UBA6: variants seen among roughly 807,000 people sequenced by gnomAD.
UBA6 encodes the protein ubiquitin like modifier activating enzyme 6.
UBA6 carries 87 observed loss-of-function variants against 148.3 expected under a neutral mutation model. The observed-to-expected ratio is 0.59, with a 90% confidence interval of 0.49 to 0.70. The LOEUF is 0.70. Ranked by LOEUF, UBA6 falls within the 30% of genes least tolerant of loss-of-function variation. The pLI is 0.00. For missense variants in UBA6, 1,186 were observed against 1,241.2 expected, an observed-to-expected ratio of 0.96 and a Z score of 0.67; for synonymous variants, 376 against 401.0, an observed-to-expected ratio of 0.94 and a Z score of 0.75.
chr4:67,661,926 T>A (rs1729868483), intron 13 of UBA6: 2 of 427,666 alleles, frequency 4.7e-6, no homozygotes, highest in Admixed American at 4.1e-5. Context: ...GTTAAAAAAA[T>A]AGCAGCAAAT....
chr4:67,693,896 T>G (rs1372453012), intron 2 of UBA6, among the ~76,000 whole-genome samples: 1 of 152,002 alleles, frequency 6.6e-6, no homozygotes, highest in Admixed American at 6.6e-5. Flanking sequence ...CTAGTCCCCA[T>G]AAGCAACAGA....
At chr4:67,689,561 A>G (rs924165347) in intron 2 of UBA6, among the ~76,000 whole-genome samples, 8 of 152,116 alleles carry the variant, frequency 5.3e-5, no homozygotes, top group African/African-American at 1.7e-4. Context: ...TGGCTGTCAG[A>G]ATTTTCCAGA....
chr4:67,699,637 G>C (rs779835361), intron 1 of UBA6, among the ~76,000 whole-genome samples: 18 of 151,966 alleles, frequency 1.2e-4, no homozygotes, highest in Non-Finnish European at 2.4e-4. Context: ...GTCTCTCTCT[G>C]TCACCCAGAC....
chr4:67,658,582 G>T (rs1449068192), intron 13 of UBA6, among the ~76,000 whole-genome samples: 1 of 152,038 alleles, frequency 6.6e-6, no homozygotes, highest in Non-Finnish European at 1.5e-5. Flanking sequence ...ATGACTAACA[G>T]GTACTAGGCT....
intron 7 of UBA6, among the ~76,000 whole-genome samples, chr4:67,673,382 C>T: frequency 6.8e-6 from 1 of 146,142 alleles, no homozygotes; most frequent in East Asian, 2.0e-4. Context: ...TGTCACTGCA[C>T]TCCAGCCTGG....
At position 67,700,361 on chromosome 4, in the gene UBA6, T is replaced by G. The variant is rs571956364; in HGVS notation, c.71+688A>C. Reference sequence around the variant, plus strand: ...ACAGTGGTGGATAGAATGTAACCACTTGCTTTATTAATTATGAGATGATTG... The same window carrying G: ...ACAGTGGTGGATAGAATGTAACCACGTGCTTTATTAATTATGAGATGATTG... On this transcript the variant is annotated intron_variant, in intron 1 of 32. Transcript: ENST00000322244. Among the ~76,000 whole-genome samples the G allele has an allele frequency of 1.1e-4, 17 of 152,298 alleles. No homozygotes were observed. In the South Asian group the frequency reaches 3.1e-3, roughly 28 times the overall value.
intron 13 of UBA6, chr4:67,661,842 GA>G: frequency 3.2e-6 from 1 of 309,074 alleles, no homozygotes; most frequent in Non-Finnish European, 5.7e-6. Flanking sequence ...ACTTATATAA[GA>G]AAGCTAACAT....
At position 67,662,194 on chromosome 4, in the gene UBA6, C is replaced by G; in HGVS notation, c.1099G>C (p.Glu367Gln). The change falls in exon 13 of 33, where the codon GAG (glutamate) becomes CAG (glutamine). Residue 367 changes from glutamate to glutamine, a missense_variant. Glu to Gln is a conservative substitution (Grantham distance 29). Transcript: ENST00000322244. ...LATSISETLE[E>Q]KPDVNADIVH... is the part of the protein sequence containing the mutation. ...CCATAAATTTCAATAGTCACCTTCTCTTCCAAGGTTTCACTTATAGATGTT... is the reference window on the plus strand; with the variant it reads ...CCATAAATTTCAATAGTCACCTTCTGTTCCAAGGTTTCACTTATAGATGTT... 6.2e-7 allele frequency: 1 copy of G among 1,613,568 alleles called. No individual in the cohort carries two copies. Among genetic ancestry groups the G allele is most frequent in the East Asian group, 2.2e-5 (1 of 44,768 alleles).
chr4:67,620,749 A>G (rs3860688), intron 32 of UBA6, among the ~76,000 whole-genome samples: 53,857 of 152,076 alleles, frequency 0.35, 9,838 homozygotes, highest in Middle Eastern at 0.5. Context: ...CTTACATGCC[A>G]TTACACTATT....
intron 13 of UBA6, among the ~76,000 whole-genome samples, chr4:67,649,544 A>T (rs1051752070): frequency 6.6e-6 from 1 of 152,208 alleles, no homozygotes; most frequent in Admixed American, 6.5e-5. Flanking sequence ...ATTTACAAAT[A>T]AACAGATTTT....
In UBA6 at chr4:67,663,912, G is replaced by T. The variant is rs1484907152; in HGVS notation, c.933C>A (p.Cys311Ter). ...CAGGGTTGCTAAAATCCACAATAAG[G>T]CACTTTGGATGTTTTAACTGCCTCT... Reference protein sequence around the residue: ...SLERQLKHPKCLIVDFSNPEA... With the variant: ...SLERQLKHPK Residue 311 changes from cysteine (C) to a stop codon, truncating the protein, a stop_gained, in exon 11 of 33, where the codon TGC becomes TGA. Coordinates refer to ENST00000322244, the MANE Select transcript of UBA6 (RefSeq NM_018227.6). LOFTEE classifies it high-confidence loss of function. 1.2e-6 allele frequency: 2 copies of T among 1,613,094 alleles called. No homozygotes were observed. Among genetic ancestry groups the T allele is most frequent in the African/African-American group, 2.7e-5 (2 of 74,834 alleles).
At chr4:67,650,800 A>C (rs1729537218) in intron 13 of UBA6, among the ~76,000 whole-genome samples, 1 of 152,186 alleles carries the variant, frequency 6.6e-6, no homozygotes, top group Non-Finnish European at 1.5e-5. Context: ...GAGAGGTATA[A>C]AACTGGTGGC....
chr4:67,653,992 G>A (rs888918004), intron 13 of UBA6, among the ~76,000 whole-genome samples: 1 of 152,160 alleles, frequency 6.6e-6, no homozygotes, highest in Non-Finnish European at 1.5e-5. Context: ...AGAGAAAAAA[G>A]AGTAAAAAGA....
intron 13 of UBA6, 89 bp downstream of exon 13, chr4:67,662,100 T>C (rs1319299449): frequency 7.8e-7 from 1 of 1,283,746 alleles, no homozygotes; most frequent in Non-Finnish European, 1.1e-6. Flanking sequence ...GTAGCAAAGC[T>C]GGATGTGAAG....
intron 27 of UBA6, among the ~76,000 whole-genome samples, chr4:67,628,763 G>A (rs1031645829): frequency 1.3e-5 from 2 of 151,752 alleles, no homozygotes; most frequent in Non-Finnish European, 2.9e-5. Context: ...TATGTATCTT[G>A]TTCACTGACA....
chr4:67,623,198 C>G lies in UBA6; in HGVS notation c.2865G>C (p.Trp955Cys), dbSNP rs868617802. ...KIRNGISFTI[W>C]DRWTVHGKED... The stretch of plus-strand genomic sequence containing the variant: ...CTTTTCCATGTACGGTCCATCGATC[C>G]CAAATTGTAAATGATATTCCATTTC... Residue 955 changes from tryptophan (W) to cysteine (C), a missense_variant, in exon 31 of 33, where the codon TGG (tryptophan) becomes TGC (cysteine). Coordinates refer to ENST00000322244, the MANE Select transcript of UBA6 (RefSeq NM_018227.6). 1 of 1,611,878 alleles carries G rather than the reference C, an allele frequency of 6.2e-7. No individual in the cohort carries two copies.
At chr4:67,658,609 A>G (rs1195980429) in intron 13 of UBA6, among the ~76,000 whole-genome samples, 2 of 152,162 alleles carry the variant, frequency 1.3e-5, no homozygotes, top group African/African-American at 4.8e-5. Flanking sequence ...CTGGGTGATG[A>G]AATAATATGT....
chr4:67,631,168 C>A (rs748599001), intron 25 of UBA6, among the ~76,000 whole-genome samples: 1 of 152,066 alleles, frequency 6.6e-6, no homozygotes, highest in Non-Finnish European at 1.5e-5. Context: ...CAAGACCAGG[C>A]TGGGCCACAT....
At chr4:67,697,681 C>T (rs1730873611) in intron 1 of UBA6, among the ~76,000 whole-genome samples, 1 of 152,172 alleles carries the variant, frequency 6.6e-6, no homozygotes, top group Admixed American at 6.5e-5. Context: ...CATCTGAGAC[C>T]TGTTAGCTCT....
Sources: gnomAD v4.1 joint callset for allele counts (sites outside exome capture counted in the v4.1 genomes callset) on GRCh38, gnomAD v4.1.1 for gene constraint, MANE v1.5 for transcripts, NCBI Gene and HGNC (gene_info 2026-07-23, HGNC 2026-07-21) for gene names.